The following VAV1 variants were observed in gnomAD, a reference collection of about 807,000 sequenced individuals.
The protein encoded by VAV1 is vav guanine nucleotide exchange factor 1, also known as proto-oncogene vav.
VAV1 carries 33 observed loss-of-function variants against 128.1 expected under a neutral mutation model. The ratio of observed to expected loss-of-function variants is 0.26; its 90% CI spans 0.20 to 0.34. VAV1 has a LOEUF of 0.34. VAV1 is among the 10% of genes least tolerant of loss of function. The pLI is 1.00. For missense variants in VAV1, 715 were observed against 1,093.7 expected, an observed-to-expected ratio of 0.65 and a Z score of 4.88; for synonymous variants, 394 against 409.8, an observed-to-expected ratio of 0.96 and a Z score of 0.47.
intron 1 of VAV1, among the ~76,000 whole-genome samples, chr19:6,780,116 A>AATG (rs1568281099): frequency 1.8e-5 from 1 of 56,694 alleles, no homozygotes; most frequent in Non-Finnish European, 3.6e-5. Flanking sequence ...GTCTTAAAAT[A>AATG]ATAATAATAA....
At chr19:6,814,646 TC>T (rs1340025519) in intron 1 of VAV1, among the ~76,000 whole-genome samples, 1 of 52,908 alleles carries the variant, frequency 1.9e-5, no homozygotes, top group East Asian at 4.8e-4. Context: ...TCTCCTTCCT[TC>T]CTTCCTTCCT....
chr19:6,852,917 A>G lies in VAV1; in HGVS notation c.2218-48A>G, dbSNP rs1043891825. ...TGGCTGTTCCTAGCTCTGCCCCCTT[A>G]TGGGCTGGCCCGCTGGGATAGCATC... is the stretch of plus-strand genomic sequence containing the variant. On this transcript the variant is annotated intron_variant, in intron 24 of 26. Transcript: ENST00000602142. The G allele has an allele frequency of 8.5e-6, 13 of 1,532,092 alleles. No individual in the cohort carries two copies. In the African/African-American group the frequency reaches 1.2e-4, roughly 15 times the overall value. The allele number at this position is 1,532,092 out of a possible 1,614,324, so 94.9% of individuals were successfully genotyped here.
Position 6,833,747 on chromosome 19 carries a change from G to A in VAV1, c.1731+14G>A, listed in dbSNP as rs377610258. ...ACTATGAAGAAGGTAAGACTTTCCC[G>A]TGGTCCTTCCTGTGTACCACAAATA... On this transcript the variant is annotated intron_variant, in intron 18 of 26. Transcript: ENST00000602142. The A allele has an allele frequency of 2.2e-5, 36 of 1,614,004 alleles. No homozygotes were observed. Among genetic ancestry groups the A allele is most frequent in the South Asian group, 1.3e-4 (12 of 91,086 alleles).
At chr19:6,847,845 G>A (rs530716309) in intron 22 of VAV1, among the ~76,000 whole-genome samples, 153 bp from the exon 23 acceptor site, 3 of 152,242 alleles carry the variant, frequency 2.0e-5, no homozygotes, top group Admixed American at 6.5e-5. Flanking sequence ...CTGCCTCCAC[G>A]GGGCCTACCT....
chr19:6,822,252 G>T lies in VAV1; in HGVS notation c.481G>T (p.Asp161Tyr). The T allele has an allele frequency of 6.3e-7, 1 of 1,590,186 alleles. No homozygotes were observed. The highest frequency in any genetic ancestry group is 1.2e-5 in the South Asian group (1 of 86,924). ...DTVEEDEDLY[D>Y]CVENEEAEGD... ...GGTGGAGGAGGATGAGGACCTGTAT[G>T]ACTGCGTGGAGAATGAGGAGGCGGA... Residue 161 changes from aspartate to tyrosine, a missense_variant, in exon 5 of 27, where the codon GAC becomes TAC. Asp to Tyr is a radical substitution (Grantham distance 160). Transcript: ENST00000602142. The surrounding 1 kb of genome is among the most constrained non-coding windows in gnomAD (Gnocchi z 5.9).
At chr19:6,781,432 G>C (rs1274349582) in intron 1 of VAV1, among the ~76,000 whole-genome samples, 2 of 152,136 alleles carry the variant, frequency 1.3e-5, no homozygotes, top group African/African-American at 4.8e-5. Context: ...AGCTGGATGG[G>C]AAATCAGTGG....
intron 1 of VAV1, among the ~76,000 whole-genome samples, chr19:6,789,092 GA>G (rs1219513131): frequency 6.6e-6 from 1 of 152,238 alleles, no homozygotes; most frequent in Non-Finnish European, 1.5e-5. Flanking sequence ...CTGGGAGGCA[GA>G]ATCGCCCTGG....
rs1232292538 is a variant in VAV1, at chr19:6,828,347, T to C, written c.1024-72T>C. 3.2e-6 allele frequency: 5 copies of C among 1,573,972 alleles called. No homozygotes were observed. The highest frequency in any genetic ancestry group is 4.4e-6 in the Non-Finnish European group (5 of 1,145,842). The stretch of plus-strand genomic sequence containing the variant: ...CGATGGAGGAGCTGGTGAGCTAGCA[T>C]TGTTTGGAAGGCCCTCCCCGCAGGG... On this transcript the variant is annotated intron_variant, in intron 10 of 26. Transcript: ENST00000602142. This position sits in a 1 kb window ranked among gnomAD's most constrained non-coding sequence, Gnocchi z 4.5.
chr19:6,821,911 G>T (rs1460887704), intron 4 of VAV1, 52 bp downstream of exon 4: 2 of 1,608,698 alleles, frequency 1.2e-6, no homozygotes, highest in African/African-American at 2.7e-5. Flanking sequence ...CGTCCTGGGG[G>T]TGGAGGGTGT....
chr19:6,772,834 C>T lies in VAV1; in HGVS notation c.27C>T (p.His9=). 6.2e-7 allele frequency: 1 copy of T among 1,613,972 alleles called. No homozygotes were observed. The highest frequency in any genetic ancestry group is 8.5e-7 in the Non-Finnish European group (1 of 1,179,934). The stretch of plus-strand genomic sequence containing the variant: ...TGGAGCTGTGGCGCCAATGCACCCA[C>T]TGGCTCATCCAGTGCCGGGTGCTGC... MELWRQCT[H]WLIQCRVLPP... Residue 9 remains histidine, a synonymous_variant, in exon 1 of 27, where the codon CAC becomes CAT. Transcript: ENST00000602142. This position sits in a 1 kb window ranked among gnomAD's most constrained non-coding sequence, Gnocchi z 4.8.
intron 1 of VAV1, chr19:6,784,334 G>A: frequency 2.2e-6 from 1 of 454,134 alleles, no homozygotes; most frequent in Non-Finnish European, 4.0e-6. Context: ...CCATGGGGGA[G>A]GAATTCAGCT....
chr19:6,786,492 G>A (rs579371), intron 1 of VAV1, among the ~76,000 whole-genome samples: 38,464 of 151,962 alleles, frequency 0.25, 5,373 homozygotes, highest in African/African-American at 0.37. Context: ...AATTAAAAAT[G>A]AAAATTATGG....
rs1237620346 is a variant in VAV1, at chr19:6,828,270, C to T, written c.1023+99C>T. 5.9e-6 allele frequency: 9 copies of T among 1,517,720 alleles called. No homozygotes were observed. Among genetic ancestry groups the T allele is most frequent in the East Asian group, 2.3e-5 (1 of 43,442 alleles). The allele number at this position is 1,517,720 out of a possible 1,614,324, so 94.0% of individuals were successfully genotyped here. A position where few individuals can be genotyped will look rare whatever the true frequency, so the allele number is the denominator to read the frequency against. Reference sequence around the variant, plus strand: ...GCTTCTGGGGGTTGGGTCTCTAGGACGCTCGGGGATGGGTCACTGGGGTCA... The same window carrying T: ...GCTTCTGGGGGTTGGGTCTCTAGGATGCTCGGGGATGGGTCACTGGGGTCA... On this transcript the variant is annotated intron_variant, in intron 10 of 26. Transcript: ENST00000602142. This position sits in a 1 kb window ranked among gnomAD's most constrained non-coding sequence, Gnocchi z 4.5.
chr19:6,845,222 A>C (rs1972490122), intron 22 of VAV1, among the ~76,000 whole-genome samples: 1 of 151,978 alleles, frequency 6.6e-6, no homozygotes, highest in African/African-American at 2.4e-5. Context: ...CTCTACTAAA[A>C]ATACAAAAAA....
chr19:6,846,696 TC>T (rs1972530811), intron 22 of VAV1, among the ~76,000 whole-genome samples: 1 of 148,146 alleles, frequency 6.8e-6, no homozygotes, highest in South Asian at 2.1e-4. Context: ...TATGGTGTAT[TC>T]CATGTAATAT....
Position 6,826,675 on chromosome 19 carries a change from G to T in VAV1, c.891G>T (p.Val297=). The T allele has an allele frequency of 6.4e-7, 1 of 1,560,694 alleles. No individual in the cohort carries two copies. ...VESASKHLDR[V]AAAREDVQMK... ...CAGCCAGCAAACACCTGGACCGTGT[G>T]GCCGCAGCCCGGGAGGACGTGCAGA... Residue 297 remains valine, a synonymous_variant, in exon 9 of 27, where the codon GTG becomes GTT. Coordinates refer to ENST00000602142, the MANE Select transcript of VAV1 (RefSeq NM_005428.4). This position sits in a 1 kb window ranked among gnomAD's most constrained non-coding sequence, Gnocchi z 4.1.
chr19:6,835,443 G>A lies in VAV1; in HGVS notation c.1778-989G>A, dbSNP rs140228514. Among the ~76,000 whole-genome samples the A allele has an allele frequency of 2.9e-3, 442 of 151,868 alleles. 2 individuals carry two copies. Among genetic ancestry groups the A allele is most frequent in the Middle Eastern group, 0.02 (6 of 294 alleles). ...TCACCTTAAAAATTTTTTTGCTCAC[G>A]TTAGCCTTGAAGTTCTCAATAATGG... is the stretch of plus-strand genomic sequence containing the variant. On this transcript the variant is annotated intron_variant, in intron 19 of 26. Coordinates refer to ENST00000602142, the MANE Select transcript of VAV1 (RefSeq NM_005428.4).
At chr19:6,833,652 T>C (rs1325861566) in intron 17 of VAV1, 27 bp downstream of exon 17, 1 of 1,609,570 alleles carries the variant, frequency 6.2e-7, no homozygotes, top group Non-Finnish European at 8.5e-7. Context: ...GGCTGGGAGG[T>C]GAGCTTGGTT....
rs568484706 is a variant in VAV1, at chr19:6,785,949, C to T, written c.204+12938C>T. 4.2e-4 allele frequency among the ~76,000 whole-genome samples: 64 copies of T among 152,104 alleles called. 2 individuals carry two copies. In the South Asian group the frequency reaches 0.012, roughly 29 times the overall value. Reference sequence around the variant, plus strand: ...GCTGGGATTACAGGTAATGAGCCACCGCGCCCAGCCCAGATTTCTTATCTG... The same window carrying T: ...GCTGGGATTACAGGTAATGAGCCACTGCGCCCAGCCCAGATTTCTTATCTG... On this transcript the variant is annotated intron_variant, in intron 1 of 26. Coordinates refer to ENST00000602142, the MANE Select transcript of VAV1 (RefSeq NM_005428.4).
Sources: gnomAD v4.1 joint callset for allele counts (sites outside exome capture counted in the v4.1 genomes callset) on GRCh38, gnomAD v4.1.1 for gene constraint, Gnocchi (gnomAD v3.1) non-coding constraint, MANE v1.5 for transcripts, NCBI Gene and HGNC (gene_info 2026-07-23, HGNC 2026-07-21) for gene names.